RGS3: variants seen among roughly 807,000 people sequenced by gnomAD.
RGS3 encodes regulator of G protein signaling 3, also known as regulator of G-protein signalling 3.
RGS3 carries 80 observed loss-of-function variants against 132.6 expected under a neutral mutation model. That is an observed-to-expected ratio of 0.60 (90% CI 0.50 to 0.73). RGS3 has a LOEUF of 0.73. Ranked by LOEUF, RGS3 falls within the 30% of genes least tolerant of loss-of-function variation. The probability of loss-of-function intolerance (pLI) is 0.00; values close to 1 mark genes in which losing one functional copy is unlikely to be tolerated. For synonymous variants in RGS3, 598 were observed against 620.6 expected (o/e 0.96, Z 0.54); for missense variants, 1,382 against 1,530.8 (o/e 0.90, Z 1.62).
At chr9:113,447,305 C>A (rs1829123979) in intron 1 of RGS3, among the ~76,000 whole-genome samples, 8 of 50,896 alleles carry the variant, frequency 1.6e-4, no homozygotes, top group Admixed American at 5.2e-4. Context: ...GGGTGTAAAC[C>A]AATAAATTCT....
At chr9:113,515,108 C>T (rs2050865) in intron 15 of RGS3, among the ~76,000 whole-genome samples, 18,027 of 152,142 alleles carry the variant, frequency 0.12, 1,277 homozygotes, top group African/African-American at 0.19. Context: ...TGGTGGCCTG[C>T]GATTCACTAG....
At chr9:113,482,804 ATGCATTGG>A in intron 4 of RGS3, 1 of 661,732 alleles carries the variant, frequency 1.5e-6, no homozygotes, top group Non-Finnish European at 2.4e-6. Context: ...GTACCTCGTA[ATGCATTGG>A]TGAGGGTGCT....
At chr9:113,527,537 C>T (rs751329586) in intron 17 of RGS3, among the ~76,000 whole-genome samples, 10 of 152,326 alleles carry the variant, frequency 6.6e-5, no homozygotes, top group African/African-American at 9.6e-5. Flanking sequence ...CCCTCCCTCC[C>T]CAGTCCATCG....
chr9:113,508,468 G>T (rs1291677793), intron 13 of RGS3, 73 bp from the exon 12 acceptor site: 3 of 1,578,978 alleles, frequency 1.9e-6, no homozygotes, highest in Non-Finnish European at 1.7e-6. Context: ...TGGGGCCCCC[G>T]TGTCCAGCAG....
intron 22 of RGS3, 122 bp from the exon 21 acceptor site, chr9:113,594,797 C>T (rs1835669899): frequency 2.1e-6 from 2 of 964,744 alleles, no homozygotes; most frequent in Non-Finnish European, 3.2e-6. Flanking sequence ...TTCCTGGGCG[C>T]CCCAGCTGGG....
intron 24 of RGS3, among the ~76,000 whole-genome samples, chr9:113,596,226 C>T (rs539258669): frequency 6.6e-6 from 1 of 152,102 alleles, no homozygotes; most frequent in African/African-American, 2.4e-5. Flanking sequence ...CCCAGCTACT[C>T]GGGAGGCTGA....
At chr9:113,478,300 C>CT (rs1376809042) in intron 3 of RGS3, among the ~76,000 whole-genome samples, 1 of 151,856 alleles carries the variant, frequency 6.6e-6, no homozygotes, top group Non-Finnish European at 1.5e-5. Context: ...TCTTTCCTTT[C>CT]TTTTTAATTA....
intron 1 of RGS3, among the ~76,000 whole-genome samples, chr9:113,447,618 AATTC>A (rs1310011507): frequency 6.6e-6 from 1 of 151,598 alleles, no homozygotes; most frequent in Admixed American, 6.6e-5. Context: ...ATTTGCTATA[AATTC>A]ATTCATTCCT....
intron 10 of RGS3, among the ~76,000 whole-genome samples, chr9:113,504,474 T>C (rs1348602227): frequency 1.3e-5 from 2 of 152,204 alleles, no homozygotes; most frequent in South Asian, 4.1e-4. Flanking sequence ...TGCATTAGCC[T>C]CTGCTGAGTT....
At chr9:113,449,328 G>A (rs1448936717) in intron 1 of RGS3, among the ~76,000 whole-genome samples, 1 of 152,152 alleles carries the variant, frequency 6.6e-6, no homozygotes, top group Non-Finnish European at 1.5e-5. Context: ...GGGAAAGGGA[G>A]GAGTGAGGTG....
intron 18 of RGS3, among the ~76,000 whole-genome samples, chr9:113,531,922 G>GT (rs1240392627): frequency 1.3e-5 from 2 of 152,220 alleles, no homozygotes; most frequent in East Asian, 3.8e-4. Flanking sequence ...AAGAGGTTTT[G>GT]TTTTTTACAA....
intron 19 of RGS3, chr9:113,580,646 C>T (rs1352083010): frequency 7.8e-6 from 2 of 254,782 alleles, no homozygotes; most frequent in East Asian, 1.8e-4. Flanking sequence ...GAGAACCCTT[C>T]CATCTTGGTT....
At chr9:113,461,946 T>A in intron 2 of RGS3, 1 of 1,592,540 alleles carries the variant, frequency 6.3e-7, no homozygotes, top group East Asian at 2.2e-5. Context: ...TTCTAGTTCC[T>A]ACTGGGAGTG....
At chr9:113,583,531 A>G (rs1834931386) in exon 20 of RGS3, 3 of 1,614,220 alleles carry the variant, frequency 1.9e-6, no homozygotes, top group Non-Finnish European at 2.5e-6. Context: ...TTCCCCACCC[A>G]GCAAGGAGCC....
chr9:113,483,139 G>T, intron 5 of RGS3, 22 bp downstream of exon 3: 1 of 1,540,942 alleles, frequency 6.5e-7, no homozygotes, highest in Non-Finnish European at 9.0e-7. Context: ...GGCCGGAGAT[G>T]GAGAGTGGGA....
At chr9:113,490,111 CCCTT>C (rs1830461494) in intron 7 of RGS3, among the ~76,000 whole-genome samples, 2 of 152,182 alleles carry the variant, frequency 1.3e-5, no homozygotes, top group African/African-American at 4.8e-5. Context: ...ATGGGTCAGT[CCCTT>C]CCCTGCGCTG....
intron 11 of RGS3, among the ~76,000 whole-genome samples, 200 bp downstream of exon 9, chr9:113,505,723 T>C (rs772094815): frequency 5.3e-5 from 8 of 152,362 alleles, no homozygotes; most frequent in Non-Finnish European, 7.3e-5. Flanking sequence ...TTTGTTGTTT[T>C]TATCAAAATG....
At chr9:113,518,229 C>T (rs1156396167) in intron 16 of RGS3, among the ~76,000 whole-genome samples, 1 of 152,200 alleles carries the variant, frequency 6.6e-6, no homozygotes, top group Non-Finnish European at 1.5e-5. Flanking sequence ...TACTTGGGTA[C>T]AGAAGTTGGA....
intron 3 of RGS3, among the ~76,000 whole-genome samples, chr9:113,468,499 G>C (rs758446024): frequency 2.4e-4 from 36 of 151,982 alleles, no homozygotes; most frequent in South Asian, 4.1e-4. Flanking sequence ...CTCCAATTTT[G>C]TTCTTCTCTT....
Sources: allele counts gnomAD v4.1 joint callset (sites outside exome capture counted in the v4.1 genomes callset), GRCh38; gene constraint gnomAD v4.1.1; transcripts MANE v1.5; gene names NCBI Gene and HGNC (gene_info 2026-07-23, HGNC 2026-07-21).